Variants in CNNM4 observed in about 807,000 individuals in gnomAD.
CNNM4 encodes cyclin and CBS domain divalent metal cation transport mediator 4.
CNNM4 carries 32 observed loss-of-function variants against 53.7 expected under a neutral mutation model. The observed-to-expected ratio is 0.60, with a 90% CI of 0.45 to 0.80. The LOEUF is 0.80. Among genes scored for constraint, CNNM4 ranks in the 30% least tolerant of loss-of-function variants. The pLI is 0.00. For missense variants in CNNM4, 784 were observed against 1,022.0 expected, an observed-to-expected ratio of 0.77 and a Z score of 3.17; for synonymous variants, 410 against 440.0, an observed-to-expected ratio of 0.93 and a Z score of 0.85.
At chr2:96,779,149 G>A (rs2078951554) in intron 1 of CNNM4, among the ~76,000 whole-genome samples, 2 of 152,012 alleles carry the variant, frequency 1.3e-5, no homozygotes, top group South Asian at 2.1e-4. Context: ...CAGTAGAGAC[G>A]GGGTTTCACC....
At chr2:96,764,783 T>G (rs2078798642) in intron 1 of CNNM4, among the ~76,000 whole-genome samples, 1 of 151,994 alleles carries the variant, frequency 6.6e-6, no homozygotes, top group Non-Finnish European at 1.5e-5. Context: ...GTCAGGAGAT[T>G]GAGACCATCC....
rs142929553 is a variant in CNNM4, at chr2:96,802,218, CACAT to C, written c.1948+2574_1948+2577del. 5.9e-5 allele frequency among the ~76,000 whole-genome samples: 9 copies of C among 152,152 alleles called. No individual in the cohort carries two copies. In the East Asian group the frequency reaches 1.4e-3, roughly 23 times the overall value. ...ACACACTGAAACACACATCCATAGA[CACAT>C]ACACACAGAAACACAACCACAGACA... On this transcript the variant is annotated intron_variant, in intron 5 of 6. Coordinates refer to ENST00000377075, the MANE Select transcript of CNNM4 (RefSeq NM_020184.4).
chr2:96,798,100 T>C (rs1460366781), intron 3 of CNNM4, among the ~76,000 whole-genome samples: 2 of 151,834 alleles, frequency 1.3e-5, no homozygotes, highest in East Asian at 3.9e-4. Flanking sequence ...GGTGGGACAG[T>C]TGCATGTCTG....
At chr2:96,781,132 C>T (rs924373169) in intron 1 of CNNM4, among the ~76,000 whole-genome samples, 1 of 151,974 alleles carries the variant, frequency 6.6e-6, no homozygotes, top group Admixed American at 6.6e-5. Context: ...GCACCCGCCA[C>T]AATGCCCAGC....
chr2:96,762,556 C>G (rs2078775473), intron 1 of CNNM4, among the ~76,000 whole-genome samples, 155 bp downstream of exon 1: 1 of 152,092 alleles, frequency 6.6e-6, no homozygotes, highest in Non-Finnish European at 1.5e-5. Context: ...GATTTTGGAG[C>G]GGTAGACCCA....
intron 1 of CNNM4, among the ~76,000 whole-genome samples, chr2:96,770,819 C>G (rs970549722): frequency 1.3e-5 from 2 of 152,194 alleles, no homozygotes; most frequent in Non-Finnish European, 2.9e-5. Flanking sequence ...CCTGAAAGGC[C>G]GCGCAGCCAT....
chr2:96,769,987 T>C (rs2078854995), intron 1 of CNNM4, among the ~76,000 whole-genome samples: 1 of 152,166 alleles, frequency 6.6e-6, no homozygotes, highest in Non-Finnish European at 1.5e-5. Flanking sequence ...TCACTTTCCC[T>C]TTAGTGCAGT....
intron 1 of CNNM4, among the ~76,000 whole-genome samples, chr2:96,791,553 C>T (rs2079062582): frequency 6.7e-6 from 1 of 149,512 alleles, no homozygotes; most frequent in African/African-American, 2.5e-5. Flanking sequence ...GAATCCACTG[C>T]ACTTGAGCCT....
intron 1 of CNNM4, among the ~76,000 whole-genome samples, chr2:96,783,832 G>A (rs922550135): frequency 6.6e-6 from 1 of 152,156 alleles, no homozygotes; most frequent in Non-Finnish European, 1.5e-5. Context: ...ATGTTATGAA[G>A]TCATTCTGTT....
rs565519049 is a variant in CNNM4, at chr2:96,792,374, C to T, written c.1403-4638C>T. ...TGTTAAATCAGTTAGCAATAATTTC[C>T]GAAGTATAGAAACTTCTAAATTAGT... On this transcript the variant is annotated intron_variant, in intron 1 of 6. Transcript: ENST00000377075. Among the ~76,000 whole-genome samples the T allele has an allele frequency of 6.6e-5, 10 of 152,132 alleles. No homozygotes were observed. In the South Asian group the frequency reaches 1.5e-3, roughly 22 times the overall value.
intron 5 of CNNM4, among the ~76,000 whole-genome samples, chr2:96,803,144 T>G (rs1037619728): frequency 3.3e-5 from 5 of 152,204 alleles, no homozygotes; most frequent in African/African-American, 4.8e-5. Flanking sequence ...AGTTACTCCC[T>G]GTCCCTTTCA....
intron 1 of CNNM4, among the ~76,000 whole-genome samples, chr2:96,789,167 G>T (rs965621574): frequency 1.3e-5 from 2 of 152,148 alleles, no homozygotes; most frequent in African/African-American, 4.8e-5. Flanking sequence ...CCAGGCTGCA[G>T]CCTGGTCAGT....
At chr2:96,806,531 ACACACG>A (rs1242886855) in intron 5 of CNNM4, among the ~76,000 whole-genome samples, 128 of 140,482 alleles carry the variant, frequency 9.1e-4, no homozygotes, top group Middle Eastern at 3.9e-3. Flanking sequence ...ACACACACAC[ACACACG>A]CGCGCGCGCG....
Position 96,799,155 on chromosome 2 carries a change from A to G in CNNM4, c.1780A>G (p.Asn594Asp), listed in dbSNP as rs996702633. ...VIQELKFDEHNKYYARHYLYT... is the reference protein window; with the variant it reads ...VIQELKFDEHDKYYARHYLYT... ...TCAGGAACTCAAGTTTGACGAGCACAATAAGTACTACGCCCGCCATTACCT... is the reference window on the plus strand; with the variant it reads ...TCAGGAACTCAAGTTTGACGAGCACGATAAGTACTACGCCCGCCATTACCT... The change falls in exon 4 of 7, where the codon AAT (asparagine) becomes GAT (aspartate). Residue 594 changes from asparagine (N) to aspartate (D), a missense_variant. Around this residue, in one of 3 missense-constraint regions of CNNM4, gnomAD observed 307 missense variants for 376.3 expected, o/e 0.82. Transcript: ENST00000377075. 1 of 1,614,124 alleles carries G rather than the reference A, an allele frequency of 6.2e-7. No individual in the cohort carries two copies.
At chr2:96,792,059 G>C (rs781316167) in intron 1 of CNNM4, among the ~76,000 whole-genome samples, 1 of 151,806 alleles carries the variant, frequency 6.6e-6, no homozygotes, top group Non-Finnish European at 1.5e-5. Flanking sequence ...CAGGAGAGTA[G>C]CCTGGCCAAC....
At chr2:96,809,182 G>A (rs1426065691) in intron 6 of CNNM4, 138 bp from the exon 7 acceptor site, 9 of 1,532,100 alleles carry the variant, frequency 5.9e-6, no homozygotes, top group Non-Finnish European at 7.9e-6. Flanking sequence ...CTTGTTCTTT[G>A]TAAGGGCTTC....
intron 1 of CNNM4, among the ~76,000 whole-genome samples, chr2:96,787,334 A>G (rs2079024513): frequency 6.6e-6 from 1 of 152,222 alleles, no homozygotes; most frequent in Non-Finnish European, 1.5e-5. Context: ...TATGATAGGT[A>G]AAAAATGAGT....
At chr2:96,789,058 T>G (rs1017388642) in intron 1 of CNNM4, among the ~76,000 whole-genome samples, 5 of 152,136 alleles carry the variant, frequency 3.3e-5, no homozygotes, top group African/African-American at 1.2e-4. Context: ...GGGGCCATCC[T>G]TTCTGTATCC....
chr2:96,763,295 C>G (rs2153342375), intron 1 of CNNM4, among the ~76,000 whole-genome samples: 1 of 152,242 alleles, frequency 6.6e-6, no homozygotes, highest in African/African-American at 2.4e-5. Context: ...GTTTACTCAT[C>G]AGCCTCAAAG....
Sources: gnomAD v4.1 joint callset for allele counts (sites outside exome capture counted in the v4.1 genomes callset) on GRCh38, gnomAD v4.1.1 for gene constraint, gnomAD v4.1.1 regional missense constraint, MANE v1.5 for transcripts, NCBI Gene and HGNC (gene_info 2026-07-23, HGNC 2026-07-21) for gene names.